Variants in GALNT13 observed in about 807,000 individuals in gnomAD.
GALNT13 encodes UDP-GalNAc:polypeptide N-acetylgalactosaminyltransferase 13.
GALNT13 carries 28 observed loss-of-function variants against 64.2 expected under a neutral mutation model. The ratio of observed to expected loss-of-function variants is 0.44; its 90% confidence interval spans 0.32 to 0.60. The LOEUF (loss-of-function observed/expected upper bound fraction) is 0.60. Ranked by LOEUF, GALNT13 falls within the 20% of genes least tolerant of loss-of-function variation. The pLI is 0.05. For synonymous variants in GALNT13, 214 were observed against 224.6 expected (o/e 0.95, Z 0.42); for missense variants, 577 against 669.8 (o/e 0.86, Z 1.53).
the GALNT13 span, among the ~76,000 whole-genome samples, chr2:153,785,550 G>A: frequency 6.6e-6 from 1 of 152,158 alleles, no homozygotes; most frequent in African/African-American, 2.4e-5. Flanking sequence ...TCCCTACTGG[G>A]TGAGTTCTAC....
At chr2:153,825,988 C>G in the GALNT13 span, among the ~76,000 whole-genome samples, 1 of 151,928 alleles carries the variant, frequency 6.6e-6, no homozygotes, top group African/African-American at 2.4e-5. Flanking sequence ...TCCTCATTTT[C>G]TCTAGAACAT....
the GALNT13 span, among the ~76,000 whole-genome samples, chr2:153,809,331 A>G: frequency 5.9e-5 from 9 of 152,186 alleles, no homozygotes; most frequent in Non-Finnish European, 8.8e-5. Context: ...ATTAAAGAAA[A>G]ACAGAGATGT....
chr2:153,894,182 A>G (rs1268385988), intron 1 of GALNT13, among the ~76,000 whole-genome samples: 2 of 152,094 alleles, frequency 1.3e-5, no homozygotes, highest in Non-Finnish European at 2.9e-5. Context: ...TTCAATGAAA[A>G]AAAATGAAAC....
In GALNT13 at chr2:154,174,213, A is replaced by C. The variant is rs542652698; in HGVS notation, c.311+33708A>C. On this transcript the variant is annotated intron_variant, in intron 4 of 12. Transcript: ENST00000392825. ...CCTTCACTGATTGGCTGGATGGTCT[A>C]AGTGGATTTAGCTAGACTACCTCAG... Among the ~76,000 whole-genome samples, 15 of 152,300 alleles carry C rather than the reference A, an allele frequency of 9.8e-5. No homozygotes were observed. In the East Asian group the frequency reaches 1.9e-3, roughly 20 times the overall value.
the GALNT13 span, among the ~76,000 whole-genome samples, chr2:153,117,536 G>A: frequency 6.6e-6 from 1 of 152,134 alleles, no homozygotes; most frequent in Admixed American, 6.5e-5. Context: ...AAGTGGGAAT[G>A]GGAGTTGTTA....
At chr2:153,090,144 A>G in the GALNT13 span, among the ~76,000 whole-genome samples, 1 of 152,090 alleles carries the variant, frequency 6.6e-6, no homozygotes, top group Non-Finnish European at 1.5e-5. Context: ...CCATGGGTTG[A>G]TCCTTTGGCG....
At chr2:153,303,384 T>C in the GALNT13 span, among the ~76,000 whole-genome samples, 1 of 152,184 alleles carries the variant, frequency 6.6e-6, no homozygotes, top group Non-Finnish European at 1.5e-5. Context: ...TACTTATTTT[T>C]GTATGTTGAT....
At chr2:154,203,355 T>C (rs1687273710) in intron 4 of GALNT13, among the ~76,000 whole-genome samples, 1 of 152,154 alleles carries the variant, frequency 6.6e-6, no homozygotes, top group Non-Finnish European at 1.5e-5. Flanking sequence ...AATTTATCAG[T>C]GTTGAAAGCC....
chr2:154,357,946 T>G (rs1331542718), intron 9 of GALNT13, among the ~76,000 whole-genome samples: 1 of 152,110 alleles, frequency 6.6e-6, no homozygotes, highest in Non-Finnish European at 1.5e-5. Context: ...GCAAATTATA[T>G]TTTTTGATCT....
the GALNT13 span, among the ~76,000 whole-genome samples, chr2:153,424,374 A>T: frequency 6.6e-6 from 1 of 151,718 alleles, no homozygotes; most frequent in African/African-American, 2.4e-5. Context: ...TATATAGAAG[A>T]TATTTGCAGT....
At chr2:154,131,256 C>A (rs967053132) in intron 3 of GALNT13, among the ~76,000 whole-genome samples, 1 of 151,880 alleles carries the variant, frequency 6.6e-6, no homozygotes, top group East Asian at 1.9e-4. Flanking sequence ...ATATAAGAAG[C>A]GTATGAGCTT....
At chr2:153,936,002 A>G (rs1690885980) in intron 2 of GALNT13, among the ~76,000 whole-genome samples, 1 of 152,212 alleles carries the variant, frequency 6.6e-6, no homozygotes, top group Non-Finnish European at 1.5e-5. Flanking sequence ...TGGAACAGAG[A>G]CATTTTTACA....
At chr2:153,399,598 C>G in the GALNT13 span, among the ~76,000 whole-genome samples, 2 of 151,332 alleles carry the variant, frequency 1.3e-5, no homozygotes, top group South Asian at 2.1e-4. Context: ...CTTTTATTTC[C>G]TTGAGCAGTG....
the GALNT13 span, among the ~76,000 whole-genome samples, chr2:153,768,273 T>C: frequency 2.0e-5 from 3 of 152,304 alleles, no homozygotes; most frequent in East Asian, 5.8e-4. Flanking sequence ...CTGTGGTCAT[T>C]GGATGCAATG....
chr2:154,425,016 T>G (rs1700411575), intron 11 of GALNT13, among the ~76,000 whole-genome samples: 2 of 152,194 alleles, frequency 1.3e-5, no homozygotes, highest in Non-Finnish European at 2.9e-5. Context: ...CAAGGTAAAT[T>G]TTGAATATTG....
At chr2:154,163,139 C>A (rs1370840931) in intron 4 of GALNT13, among the ~76,000 whole-genome samples, 47 of 106,184 alleles carry the variant, frequency 4.4e-4, no homozygotes, top group Non-Finnish European at 7.1e-4. Context: ...CCCCTCCCCC[C>A]ACCCCACAAC....
Position 154,301,606 on chromosome 2 carries a change from T to C in GALNT13, c.1156+17T>C, listed in dbSNP as rs753846503. 1.0e-5 allele frequency: 16 copies of C among 1,556,950 alleles called. No individual in the cohort carries two copies. The African/African-American group carries it at 1.8e-4, about 17-fold the overall frequency. On this transcript the variant is annotated intron_variant, in intron 9 of 12. Coordinates refer to ENST00000392825, the MANE Select transcript of GALNT13 (RefSeq NM_052917.4). ...TATCCCCAGGTACACAATTCTGACA[T>C]TTTTCTTTCTCTACAGGAGAAAATA...
At chr2:153,671,510 T>C in the GALNT13 span, among the ~76,000 whole-genome samples, 1 of 152,152 alleles carries the variant, frequency 6.6e-6, no homozygotes. Context: ...CTGAGAGATT[T>C]TGTCACCACC....
chr2:154,202,210 CTT>C (rs374944059), intron 4 of GALNT13, among the ~76,000 whole-genome samples: 51 of 152,106 alleles, frequency 3.4e-4, no homozygotes, highest in African/African-American at 9.9e-4. Context: ...AAGATAAAAA[CTT>C]TTGCTTTCAT....
Sources: allele counts gnomAD v4.1 joint callset (sites outside exome capture counted in the v4.1 genomes callset), GRCh38; gene constraint gnomAD v4.1.1; transcripts MANE v1.5; gene names NCBI Gene and HGNC (gene_info 2026-07-23, HGNC 2026-07-21).